BOC: variants seen among roughly 807,000 people sequenced by gnomAD.
The protein encoded by BOC is BOC cell adhesion associated, oncogene regulated.
In BOC, 76 loss-of-function variants were observed where a neutral mutation model predicts 112.0. The ratio of observed to expected loss-of-function variants is 0.68; its 90% CI spans 0.56 to 0.82. BOC has a LOEUF of 0.82. Ranked by LOEUF, BOC falls within the 40% of genes least tolerant of loss-of-function variation. The pLI is 0.00. For synonymous variants in BOC, 580 were observed against 599.8 expected (o/e 0.97, Z 0.48); for missense variants, 1,309 against 1,511.7 (o/e 0.87, Z 2.22).
chr3:113,251,685 A>G (rs1945659787), intron 4 of BOC: 2 of 152,242 alleles, frequency 1.3e-5, no homozygotes, highest in South Asian at 4.1e-4. Flanking sequence ...GTGGAAACCA[A>G]GGGCCAAATG....
intron 2 of BOC, among the ~76,000 whole-genome samples, chr3:113,232,837 G>A (rs1011871455): frequency 6.6e-6 from 1 of 152,178 alleles, no homozygotes; most frequent in Admixed American, 6.5e-5. Flanking sequence ...CCTACTTAGT[G>A]CCAGTCATTG....
At chr3:113,236,047 C>G (rs143342181) in intron 2 of BOC, among the ~76,000 whole-genome samples, 1,784 of 151,630 alleles carry the variant, frequency 0.012, 39 homozygotes, top group African/African-American at 0.041. Flanking sequence ...TATGATCCAG[C>G]AAGCCCGCTA....
intron 2 of BOC, among the ~76,000 whole-genome samples, chr3:113,243,493 T>C (rs1180256045): frequency 6.6e-6 from 1 of 152,234 alleles, no homozygotes. Flanking sequence ...TTTTACCTAC[T>C]CTTTTTAACA....
chr3:113,224,307 A>G (rs1358698465), intron 2 of BOC, among the ~76,000 whole-genome samples: 4 of 152,222 alleles, frequency 2.6e-5, no homozygotes, highest in Non-Finnish European at 4.4e-5. Context: ...AAGACCAGTA[A>G]GGCATAATGA....
chr3:113,231,733 G>A (rs531918530), intron 2 of BOC, among the ~76,000 whole-genome samples: 5 of 152,192 alleles, frequency 3.3e-5, no homozygotes, highest in African/African-American at 1.2e-4. Flanking sequence ...TTTAATATCT[G>A]GTAGGTTTTT....
chr3:113,248,375 A>G (rs1279143341), intron 2 of BOC, among the ~76,000 whole-genome samples: 1 of 152,254 alleles, frequency 6.6e-6, no homozygotes, highest in African/African-American at 2.4e-5. Flanking sequence ...AAGCTTAACT[A>G]CTTCTGAGTT....
chr3:113,213,175 G>A (rs576639279), intron 1 of BOC, among the ~76,000 whole-genome samples: 1 of 152,296 alleles, frequency 6.6e-6, no homozygotes, highest in Admixed American at 6.5e-5. Context: ...GTGTTCTGCT[G>A]CTCCCCTCAT....
At chr3:113,227,042 C>T (rs187023919) in intron 2 of BOC, among the ~76,000 whole-genome samples, 16 of 152,310 alleles carry the variant, frequency 1.1e-4, no homozygotes, top group African/African-American at 3.6e-4. Flanking sequence ...ACTGCATTAT[C>T]CATATAATCT....
chr3:113,221,749 G>T (rs1403484506), intron 2 of BOC, among the ~76,000 whole-genome samples: 1 of 152,184 alleles, frequency 6.6e-6, no homozygotes, highest in African/African-American at 2.4e-5. Context: ...TGAAACAAAA[G>T]CTAGAGAAGG....
rs772102792 is a variant in BOC, at chr3:113,284,864, C to A, written c.2966+6C>A. Reference sequence around the variant, plus strand: ...CAAAGTCACCAGATCACGAGGTAACCAGGCCTCTCCCCTTTCACTCCCAAG... The same window carrying A: ...CAAAGTCACCAGATCACGAGGTAACAAGGCCTCTCCCCTTTCACTCCCAAG... On this transcript the variant is annotated splice_donor_region_variant and intron_variant, in intron 18 of 19. Transcript: ENST00000682979. 2.5e-5 allele frequency: 41 copies of A among 1,613,636 alleles called. No homozygotes were observed. Among genetic ancestry groups the A allele is most frequent in the Non-Finnish European group, 3.5e-5 (41 of 1,179,532 alleles).
chr3:113,276,502 G>T (rs548902481), intron 9 of BOC, among the ~76,000 whole-genome samples: 1 of 152,198 alleles, frequency 6.6e-6, no homozygotes, highest in Non-Finnish European at 1.5e-5. Context: ...GGGTTGCCAA[G>T]GCAGAAGTTC....
chr3:113,216,345 T>G, intron 2 of BOC, 71 bp downstream of exon 2: 1 of 448,410 alleles, frequency 2.2e-6, no homozygotes, highest in Non-Finnish European at 4.5e-6. Flanking sequence ...TGTTTTGTGT[T>G]ACCACTTAGA....
chr3:113,215,435 C>T (rs1167422776), intron 1 of BOC, among the ~76,000 whole-genome samples: 3 of 152,212 alleles, frequency 2.0e-5, no homozygotes, highest in East Asian at 3.8e-4. Context: ...CACACTGACT[C>T]AAACCACTGA....
chr3:113,248,374 T>G (rs1035347715), intron 2 of BOC, among the ~76,000 whole-genome samples: 1 of 152,264 alleles, frequency 6.6e-6, no homozygotes, highest in African/African-American at 2.4e-5. Flanking sequence ...GAAGCTTAAC[T>G]ACTTCTGAGT....
intron 9 of BOC, among the ~76,000 whole-genome samples, chr3:113,277,706 A>G (rs1053232572): frequency 6.6e-6 from 1 of 152,242 alleles, no homozygotes; most frequent in Admixed American, 6.5e-5. Context: ...ATTGTGTCTC[A>G]TTAGAATATA....
At position 113,249,760 on chromosome 3, in the gene BOC, T is replaced by G. The variant is rs1207286821; in HGVS notation, c.-43T>G. On this transcript the variant is annotated 5_prime_UTR_variant, in exon 3 of 20. Coordinates refer to ENST00000682979, the MANE Select transcript of BOC (RefSeq NM_001378074.1). ...ACGGCAGTATCTCTTTGTGTGACCC[T>G]GGCGGCTTATGGGACGTTGGCTTCA... 1 of 1,541,548 alleles carries G rather than the reference T, an allele frequency of 6.5e-7. No homozygotes were observed. Among genetic ancestry groups the G allele is most frequent in the Non-Finnish European group, 8.9e-7 (1 of 1,127,944 alleles).
chr3:113,248,195 A>G (rs1945167371), intron 2 of BOC, among the ~76,000 whole-genome samples: 1 of 152,210 alleles, frequency 6.6e-6, no homozygotes, highest in South Asian at 2.1e-4. Flanking sequence ...CAGAAAGCCA[A>G]AGGACCACAG....
At chr3:113,221,198 T>C (rs1940572539) in intron 2 of BOC, among the ~76,000 whole-genome samples, 1 of 152,198 alleles carries the variant, frequency 6.6e-6, no homozygotes, top group Non-Finnish European at 1.5e-5. Flanking sequence ...CGAAATGCGT[T>C]GGGAGCAGTC....
chr3:113,217,160 G>A lies in BOC; in HGVS notation c.-82+886G>A, dbSNP rs566413874. Among the ~76,000 whole-genome samples, 72 of 152,292 alleles carry A rather than the reference G, an allele frequency of 4.7e-4. 1 individual carries two copies. In the South Asian group the frequency reaches 0.014, roughly 29 times the overall value. On this transcript the variant is annotated intron_variant, in intron 2 of 19. Transcript: ENST00000682979. ...TCCAGAATCCTATTACTGGCCTGAA[G>A]GGAAACGCAGAGCACTGCCATGCAA...
Sources: gnomAD v4.1 joint callset for allele counts (sites outside exome capture counted in the v4.1 genomes callset) on GRCh38, gnomAD v4.1.1 for gene constraint, MANE v1.5 for transcripts, NCBI Gene and HGNC (gene_info 2026-07-23, HGNC 2026-07-21) for gene names.